DPP6: variants seen among roughly 807,000 people sequenced by gnomAD.
DPP6 encodes the protein dipeptidyl peptidase like 6.
A neutral mutation model predicts 122.6 loss-of-function variants in DPP6; 69 were observed. That is an observed-to-expected ratio of 0.56 (90% CI 0.46 to 0.69). The LOEUF (loss-of-function observed/expected upper bound fraction) is 0.69. Ranked by LOEUF, DPP6 falls within the 30% of genes least tolerant of loss-of-function variation. DPP6 has a pLI of 0.00. For synonymous variants in DPP6, 418 were observed against 433.1 expected (o/e 0.97, Z 0.43); for missense variants, 928 against 1,116.9 (o/e 0.83, Z 2.41).
At chr7:154,492,552 T>A (rs1457276066) in intron 3 of DPP6, among the ~76,000 whole-genome samples, 1 of 152,198 alleles carries the variant, frequency 6.6e-6, no homozygotes, top group African/African-American at 2.4e-5. Flanking sequence ...GTTCCACCCA[T>A]TCCCTATTCT....
chr7:154,157,078 A>C (rs1466595715), intron 1 of DPP6, among the ~76,000 whole-genome samples: 1 of 152,274 alleles, frequency 6.6e-6, no homozygotes, highest in Non-Finnish European at 1.5e-5. Context: ...AGGTTCTTTC[A>C]AATGGAAGAT....
chr7:154,465,939 A>G (rs535408343), intron 2 of DPP6, among the ~76,000 whole-genome samples: 1 of 152,250 alleles, frequency 6.6e-6, no homozygotes, highest in Non-Finnish European at 1.5e-5. Context: ...TCACAATAGC[A>G]AAGACTTGGA....
intron 1 of DPP6, among the ~76,000 whole-genome samples, chr7:154,429,212 T>A (rs1818159917): frequency 6.6e-6 from 1 of 151,582 alleles, no homozygotes; most frequent in South Asian, 2.1e-4. Flanking sequence ...TGTCTTATCC[T>A]TGTTTTGATC....
intron 4 of DPP6, among the ~76,000 whole-genome samples, chr7:154,547,816 T>C (rs1173638643): frequency 6.6e-6 from 1 of 152,216 alleles, no homozygotes; most frequent in African/African-American, 2.4e-5. Context: ...TCCTGCCTTT[T>C]CTGTTTCTAC....
chr7:154,844,358 A>AATTCTGTGT (rs1172761351), intron 16 of DPP6, among the ~76,000 whole-genome samples: 1 of 152,144 alleles, frequency 6.6e-6, no homozygotes, highest in Non-Finnish European at 1.5e-5. Flanking sequence ...GCTTCCCCAA[A>AATTCTGTGT]ATTCTGTGTA....
chr7:154,248,970 C>T (rs970969277), intron 1 of DPP6, among the ~76,000 whole-genome samples: 2 of 152,180 alleles, frequency 1.3e-5, no homozygotes, highest in African/African-American at 4.8e-5. Context: ...CATGTCTTGG[C>T]ATGTGCCTCC....
intron 1 of DPP6, among the ~76,000 whole-genome samples, chr7:153,939,887 C>T (rs1030257302): frequency 6.6e-6 from 1 of 152,208 alleles, no homozygotes; most frequent in Non-Finnish European, 1.5e-5. Flanking sequence ...CAGTTGATAA[C>T]ATGGCAGTTC....
chr7:154,030,758 A>G (rs1799183750), intron 1 of DPP6, among the ~76,000 whole-genome samples: 1 of 152,116 alleles, frequency 6.6e-6, no homozygotes, highest in African/African-American at 2.4e-5. Context: ...TCCCAGCCAT[A>G]GGAAAACCTT....
chr7:154,217,166 G>T (rs1301973673), intron 1 of DPP6, among the ~76,000 whole-genome samples: 1 of 152,050 alleles, frequency 6.6e-6, no homozygotes, highest in Non-Finnish European at 1.5e-5. Context: ...AGGCACAAAG[G>T]TAAACAGATA....
chr7:154,245,783 G>A (rs906082208), intron 1 of DPP6, among the ~76,000 whole-genome samples: 6 of 152,138 alleles, frequency 3.9e-5, no homozygotes. Context: ...GTATATAGTA[G>A]CTGAGCTTTG....
At chr7:154,737,073 T>C (rs78042515) in intron 8 of DPP6, among the ~76,000 whole-genome samples, 1 of 152,238 alleles carries the variant, frequency 6.6e-6, no homozygotes, top group Non-Finnish European at 1.5e-5. Flanking sequence ...CACAGGATCA[T>C]AGCTCATCAG....
the DPP6 span, among the ~76,000 whole-genome samples, chr7:153,810,132 A>T: frequency 2.0e-4 from 31 of 152,390 alleles, no homozygotes; most frequent in East Asian, 5.2e-3. Context: ...AGTTTGCATG[A>T]CATAAGCTGG....
chr7:154,319,085 CTG>C (rs202132057), intron 1 of DPP6, among the ~76,000 whole-genome samples: 6,720 of 152,292 alleles, frequency 0.044, 219 homozygotes, highest in Non-Finnish European at 0.064. Context: ...GTAATGAAGT[CTG>C]GACACCATGG....
rs1384034311 is a variant in DPP6 at position 154,893,464 on chromosome 7, A to AAC, written c.*985_*986insCA. On this transcript the variant is annotated 3_prime_UTR_variant, in exon 26 of 26. Transcript: ENST00000377770. ...ATGACATTTGGTTTAAAAAAAAAAA[A>AAC]AAAAAAAAAAAAAAAACAGAAAAAA... is the stretch of plus-strand genomic sequence containing the variant. 6.4e-5 allele frequency: 9 copies of AAC among 141,618 alleles called. No individual in the cohort carries two copies. Among genetic ancestry groups the AAC allele is most frequent in the Non-Finnish European group, 1.1e-4 (7 of 64,986 alleles). 8.8% of individuals were successfully genotyped at this position (141,618 alleles called of 1,614,324 possible). A position where few individuals can be genotyped will look rare whatever the true frequency, so the allele number is the denominator to read the frequency against.
chr7:154,519,588 C>T (rs187193486), intron 3 of DPP6, among the ~76,000 whole-genome samples: 28 of 152,308 alleles, frequency 1.8e-4, no homozygotes, highest in Non-Finnish European at 3.2e-4. Flanking sequence ...GTGAAGAAAC[C>T]TCTAATCATT....
chr7:154,360,250 A>C (rs1206958438), intron 1 of DPP6, among the ~76,000 whole-genome samples: 1 of 152,182 alleles, frequency 6.6e-6, no homozygotes, highest in African/African-American at 2.4e-5. Flanking sequence ...CAAAGAGCCA[A>C]TCCCTGTGGG....
At chr7:154,574,544 GGT>G (rs1273927604) in intron 5 of DPP6, among the ~76,000 whole-genome samples, 3 of 141,418 alleles carry the variant, frequency 2.1e-5, no homozygotes, top group South Asian at 2.4e-4. Flanking sequence ...TGTATGGTGT[GGT>G]GTGTGTGTGG....
At chr7:154,246,908 T>G (rs1802016367) in intron 1 of DPP6, among the ~76,000 whole-genome samples, 1 of 152,234 alleles carries the variant, frequency 6.6e-6, no homozygotes, top group Non-Finnish European at 1.5e-5. Flanking sequence ...ACAACTTTTG[T>G]GCTGGTAAAG....
In DPP6 at chr7:154,853,823, G is replaced by T. The variant is rs1326552705; in HGVS notation, c.1710G>T (p.Lys570Asn). The T allele has an allele frequency of 1.4e-5, 22 of 1,613,626 alleles. No homozygotes were observed. Among genetic ancestry groups the T allele is most frequent in the Non-Finnish European group, 1.9e-5 (22 of 1,179,804 alleles). Reference sequence around the variant, plus strand: ...TGACGGTGCACAACACAACAGATAAGAAAAGTAAGTGCTCTTTTTTTTCCT... The same window carrying T: ...TGACGGTGCACAACACAACAGATAATAAAAGTAAGTGCTCTTTTTTTTCCT... ...PMVTVHNTTD[K>N]KKMFDLETNE... Residue 570 changes from lysine (K) to asparagine (N), a missense_variant, in exon 17 of 26, where the codon AAG (lysine) becomes AAT (asparagine). Transcript: ENST00000377770.
Sources: gnomAD v4.1 joint callset for allele counts (sites outside exome capture counted in the v4.1 genomes callset) on GRCh38, gnomAD v4.1.1 for gene constraint, MANE v1.5 for transcripts, NCBI Gene and HGNC (gene_info 2026-07-23, HGNC 2026-07-21) for gene names.